Variants in OR1F1 observed in about 807,000 individuals in gnomAD.
OR1F1 encodes olfactory receptor family 1 subfamily F member 1.
For synonymous variants in OR1F1, 184 were observed against 156.7 expected (o/e 1.17, Z -1.30); for missense variants, 493 against 376.3 (o/e 1.31, Z -2.57).
chr16:3,193,590 G>C, the OR1F1 span, among the ~76,000 whole-genome samples: 3 of 152,124 alleles, frequency 2.0e-5, no homozygotes, highest in Non-Finnish European at 4.4e-5. Context: ...TGCGTTGCAA[G>C]AACTGGGCTA....
At chr16:3,204,242 G>A, upstream of OR1F1, 2 of 1,584,180 alleles carry the variant, frequency 1.3e-6, no homozygotes, top group Non-Finnish European at 1.7e-6. Context: ...CAGGATCCCA[G>A]GCCCATGAGC....
exon 1 of OR1F1, chr16:3,204,254 G>C: frequency 6.2e-7 from 1 of 1,604,154 alleles, no homozygotes. Flanking sequence ...CCCATGAGCG[G>C]GACAAACCAG....
the OR1F1 span, among the ~76,000 whole-genome samples, chr16:3,195,543 G>A: frequency 1.3e-5 from 2 of 151,964 alleles, no homozygotes; most frequent in Non-Finnish European, 2.9e-5. Context: ...TTAACCGGGC[G>A]TGGTGGGGGT....
At chr16:3,196,170 G>C in the OR1F1 span, among the ~76,000 whole-genome samples, 2 of 152,290 alleles carry the variant, frequency 1.3e-5, no homozygotes, top group African/African-American at 4.8e-5. Context: ...TAGCTCAGCC[G>C]GTAGAGCACA....
the OR1F1 span, among the ~76,000 whole-genome samples, chr16:3,194,516 G>A: frequency 2.6e-5 from 4 of 152,226 alleles, no homozygotes; most frequent in Admixed American, 2.6e-4. Flanking sequence ...ATCTATCCTG[G>A]TTGACTTGGA....
At chr16:3,203,598 T>C (rs982522877), upstream of OR1F1, among the ~76,000 whole-genome samples, 3 of 152,154 alleles carry the variant, frequency 2.0e-5, no homozygotes, top group Non-Finnish European at 4.4e-5. Context: ...ACCCCGTCTC[T>C]ACTAAAAATA....
At chr16:3,203,625 G>A (rs753832349), upstream of OR1F1, among the ~76,000 whole-genome samples, 4 of 152,324 alleles carry the variant, frequency 2.6e-5, no homozygotes, top group East Asian at 1.9e-4. Context: ...TTAGCTGGGC[G>A]TGGTGGCACG....
chr16:3,204,762 T>C (rs201093914), exon 1 of OR1F1: 27 of 1,614,168 alleles, frequency 1.7e-5, no homozygotes, highest in Non-Finnish European at 2.2e-5. Flanking sequence ...GTGCAGACAA[T>C]GCCATCACTC....
chr16:3,191,543 A>C, the OR1F1 span, among the ~76,000 whole-genome samples: 5 of 152,118 alleles, frequency 3.3e-5, no homozygotes, highest in Admixed American at 6.5e-5. Context: ...TCTTAATCTC[A>C]GGGTCGTGGG....
rs143244133 is a variant in OR1F1 at position 3,204,399 on chromosome 16, A to G, written c.153A>G (p.Ile51Met). The G allele has an allele frequency of 6.0e-5, 97 of 1,613,966 alleles. No individual in the cohort carries two copies. Among genetic ancestry groups the G allele is most frequent in the Non-Finnish European group, 8.1e-5 (96 of 1,180,016 alleles). The change falls in exon 1 of 1, where the codon ATA (isoleucine) becomes ATG (methionine). Residue 51 changes from isoleucine (I) to methionine (M), a missense_variant. Transcript: ENST00000304646. ...TGCTCATCATCCTGTCCGTAAGCAT[A>G]GACTCCTGCCTGCACACCCCCATGT...
upstream of OR1F1, among the ~76,000 whole-genome samples, chr16:3,199,486 T>G (rs1958112004): frequency 6.6e-6 from 1 of 151,812 alleles, no homozygotes; most frequent in African/African-American, 2.4e-5. Context: ...GACATCATCT[T>G]TACAAAAAAT....
At chr16:3,203,970 G>A (rs1300799968), upstream of OR1F1, among the ~76,000 whole-genome samples, 1 of 152,120 alleles carries the variant, frequency 6.6e-6, no homozygotes, top group Non-Finnish European at 1.5e-5. Context: ...AACACAAACT[G>A]ACTGAGTTTC....
the OR1F1 span, among the ~76,000 whole-genome samples, chr16:3,195,485 G>T: frequency 6.6e-6 from 1 of 152,056 alleles, no homozygotes; most frequent in Non-Finnish European, 1.5e-5. Context: ...TTCGAGACCA[G>T]CCTGGCTAAC....
the OR1F1 span, among the ~76,000 whole-genome samples, chr16:3,192,012 T>G: frequency 6.6e-6 from 1 of 152,130 alleles, no homozygotes; most frequent in Admixed American, 6.5e-5. Flanking sequence ...AGGGGTATGA[T>G]TCTCGCTTAG....
the OR1F1 span, among the ~76,000 whole-genome samples, chr16:3,196,777 G>A: frequency 2.8e-5 from 4 of 144,718 alleles, no homozygotes; most frequent in African/African-American, 5.2e-5. Flanking sequence ...TGCAACCTCC[G>A]CATCCTGGGT....
At chr16:3,189,599 C>G in the OR1F1 span, 1 of 152,232 alleles carries the variant, frequency 6.6e-6, no homozygotes, top group Non-Finnish European at 1.5e-5. Flanking sequence ...GATGCTAGGA[C>G]GCCCACAAAG....
the OR1F1 span, chr16:3,189,614 C>A: frequency 1.3e-5 from 2 of 152,236 alleles, no homozygotes; most frequent in Non-Finnish European, 2.9e-5. Flanking sequence ...ACAAAGATAA[C>A]CTTAATGCGT....
chr16:3,196,709 T>TTC, the OR1F1 span, among the ~76,000 whole-genome samples: 1 of 149,834 alleles, frequency 6.7e-6, no homozygotes, highest in African/African-American at 2.5e-5. Context: ...CTTTTTTTTT[T>TTC]TTTTTTTTTG....
rs928640913 is a variant in OR1F1 at position 3,205,064 on chromosome 16, T to C, written c.818T>C (p.Met273Thr). The C allele has an allele frequency of 6.2e-7, 1 of 1,614,070 alleles. No individual in the cohort carries two copies. The highest frequency in any genetic ancestry group is 8.5e-7 in the Non-Finnish European group (1 of 1,179,956). Residue 273 changes from methionine to threonine, a missense_variant, in exon 1 of 1, where the codon ATG becomes ACG. Physicochemically the swap from Met to Thr is moderately conservative, Grantham distance 81. Coordinates refer to ENST00000304646, the Ensembl canonical transcript of OR1F1. ...TCCCACTCAGCTGAGAAAGACACTATGGCTACTGTGTTGTATACAGTAGTG... is the reference window on the plus strand; with the variant it reads ...TCCCACTCAGCTGAGAAAGACACTACGGCTACTGTGTTGTATACAGTAGTG...
Sources: gnomAD v4.1 joint callset for allele counts (sites outside exome capture counted in the v4.1 genomes callset) on GRCh38, gnomAD v4.1.1 for gene constraint, MANE v1.5 for transcripts, NCBI Gene and HGNC (gene_info 2026-07-23, HGNC 2026-07-21) for gene names.